ZNF385D: variants seen among roughly 807,000 people sequenced by gnomAD.
ZNF385D encodes zinc finger protein 659.
ZNF385D carries 15 observed loss-of-function variants against 35.8 expected under a neutral mutation model. The ratio of observed to expected loss-of-function variants is 0.42; its 90% CI spans 0.28 to 0.64. The LOEUF (loss-of-function observed/expected upper bound fraction) is 0.64. Ranked by LOEUF, ZNF385D falls within the 30% of genes least tolerant of loss-of-function variation. The pLI, the probability that ZNF385D is intolerant of heterozygous loss-of-function variation, is 0.23. For missense variants in ZNF385D, 474 were observed against 494.6 expected (o/e 0.96, Z 0.39); for synonymous variants, 212 against 186.8 (o/e 1.13, Z -1.10).
At chr3:22,029,994 G>C (rs1365462655) in intron 3 of ZNF385D, among the ~76,000 whole-genome samples, 2 of 151,738 alleles carry the variant, frequency 1.3e-5, no homozygotes, top group East Asian at 3.9e-4. Context: ...GCTGGGGAAG[G>C]CAGACCCACC....
At chr3:21,811,417 G>C (rs568707488) in intron 3 of ZNF385D, among the ~76,000 whole-genome samples, 27 of 152,188 alleles carry the variant, frequency 1.8e-4, no homozygotes, top group African/African-American at 6.3e-4. Flanking sequence ...CAGGTCAAAA[G>C]AAAGTAGAAA....
chr3:21,885,122 T>G (rs985093579), intron 3 of ZNF385D, among the ~76,000 whole-genome samples: 2 of 152,020 alleles, frequency 1.3e-5, no homozygotes, highest in African/African-American at 4.8e-5. Context: ...GTGGAAAAAA[T>G]GTTAATAATT....
At chr3:21,458,146 A>G (rs1702935200) in intron 4 of ZNF385D, among the ~76,000 whole-genome samples, 1 of 152,078 alleles carries the variant, frequency 6.6e-6, no homozygotes, top group African/African-American at 2.4e-5. Flanking sequence ...GTAACTATAT[A>G]AAACCTAGGA....
intron 2 of ZNF385D, among the ~76,000 whole-genome samples, chr3:22,369,474 C>CA (rs961627719): frequency 5.9e-5 from 9 of 151,450 alleles, no homozygotes; most frequent in Non-Finnish European, 2.9e-5. Flanking sequence ...TAACTACTGC[C>CA]AAAAAATAAA....
intron 1 of ZNF385D, among the ~76,000 whole-genome samples, chr3:21,697,409 T>C (rs768298100): frequency 3.9e-5 from 6 of 152,176 alleles, no homozygotes; most frequent in African/African-American, 1.4e-4. Context: ...GTGATTTGTT[T>C]TGAGTGTCCT....
At chr3:21,939,581 T>A (rs530283741) in intron 3 of ZNF385D, among the ~76,000 whole-genome samples, 1 of 152,102 alleles carries the variant, frequency 6.6e-6, no homozygotes, top group African/African-American at 2.4e-5. Flanking sequence ...AAATATAGTA[T>A]AGAAGGAATT....
At chr3:22,242,171 C>G (rs1699535483) in intron 2 of ZNF385D, among the ~76,000 whole-genome samples, 1 of 150,618 alleles carries the variant, frequency 6.6e-6, no homozygotes. Flanking sequence ...CACCTGTATA[C>G]ATATGTAACT....
At chr3:22,027,367 T>A (rs1341096515) in intron 3 of ZNF385D, among the ~76,000 whole-genome samples, 1 of 152,216 alleles carries the variant, frequency 6.6e-6, no homozygotes, top group East Asian at 1.9e-4. Context: ...TGCAAGCTGC[T>A]CTGCCACTTG....
intron 3 of ZNF385D, among the ~76,000 whole-genome samples, chr3:21,855,190 G>A (rs1238937796): frequency 2.0e-5 from 3 of 151,940 alleles, no homozygotes; most frequent in African/African-American, 7.2e-5. Context: ...TTTTCTCTGA[G>A]AAATCGCTAG....
chr3:21,471,301 ACACACACAC>A (rs1703883710), intron 4 of ZNF385D, among the ~76,000 whole-genome samples: 1 of 41,700 alleles, frequency 2.4e-5, no homozygotes, highest in African/African-American at 8.6e-5. Flanking sequence ...TCTCTCACAC[ACACACACAC>A]ACACACACAC....
intron 1 of ZNF385D, among the ~76,000 whole-genome samples, chr3:21,692,787 C>T (rs115025400): frequency 6.6e-6 from 1 of 152,232 alleles, no homozygotes; most frequent in Non-Finnish European, 1.5e-5. Context: ...CAGAAGTTGC[C>T]TTTGTGAAGT....
chr3:22,156,096 A>G (rs1705563317), intron 3 of ZNF385D, among the ~76,000 whole-genome samples: 2 of 151,218 alleles, frequency 1.3e-5, no homozygotes, highest in Admixed American at 6.6e-5. Flanking sequence ...TAAAGGAGAC[A>G]TAATAGAATA....
At chr3:22,179,188 T>C (rs992168488) in intron 2 of ZNF385D, among the ~76,000 whole-genome samples, 35 of 152,326 alleles carry the variant, frequency 2.3e-4, no homozygotes, top group African/African-American at 8.2e-4. Context: ...TATGGCCATT[T>C]TCACGATATT....
intron 3 of ZNF385D, among the ~76,000 whole-genome samples, chr3:21,967,976 T>C (rs1703004325): frequency 6.6e-6 from 1 of 152,212 alleles, no homozygotes; most frequent in African/African-American, 2.4e-5. Context: ...GTGGGTAGTT[T>C]TAACACCATT....
intron 2 of ZNF385D, among the ~76,000 whole-genome samples, chr3:21,641,487 T>C (rs759826631): frequency 7.9e-5 from 12 of 152,046 alleles, no homozygotes; most frequent in Non-Finnish European, 1.6e-4. Context: ...CTCTATTGTC[T>C]GGTCCCCTTG....
At chr3:22,333,969 G>T (rs1187827817) in intron 2 of ZNF385D, among the ~76,000 whole-genome samples, 3 of 152,146 alleles carry the variant, frequency 2.0e-5, no homozygotes, top group Non-Finnish European at 4.4e-5. Flanking sequence ...TCTTCAGAAT[G>T]TTTTATGTAT....
intron 3 of ZNF385D, among the ~76,000 whole-genome samples, chr3:22,130,102 A>T (rs1703686900): frequency 6.6e-6 from 1 of 152,118 alleles, no homozygotes; most frequent in South Asian, 2.1e-4. Flanking sequence ...GGTGGGTCTA[A>T]AAACATCATC....
At chr3:21,879,744 T>G (rs79312005) in intron 3 of ZNF385D, among the ~76,000 whole-genome samples, 1 of 152,026 alleles carries the variant, frequency 6.6e-6, no homozygotes, top group African/African-American at 2.4e-5. Flanking sequence ...AGAGTCCTCA[T>G]TTGGAGAGTT....
intron 3 of ZNF385D, among the ~76,000 whole-genome samples, chr3:21,977,862 A>T (rs1703733556): frequency 6.6e-6 from 1 of 152,008 alleles, no homozygotes; most frequent in Non-Finnish European, 1.5e-5. Context: ...AACAAACAAA[A>T]AAGATGATTC....
Sources: gnomAD v4.1 joint callset for allele counts (sites outside exome capture counted in the v4.1 genomes callset) on GRCh38, gnomAD v4.1.1 for gene constraint, MANE v1.5 for transcripts, NCBI Gene and HGNC (gene_info 2026-07-23, HGNC 2026-07-21) for gene names.